The following CELSR3 variants were observed in gnomAD, a reference collection of about 807,000 sequenced individuals.
The protein encoded by CELSR3 is cadherin EGF LAG seven-pass G-type receptor 3.
Under a neutral mutation model 270.0 loss-of-function variants are expected in CELSR3, and 73 were observed. The observed-to-expected ratio is 0.27, with a 90% CI of 0.22 to 0.33. The LOEUF (loss-of-function observed/expected upper bound fraction) is 0.33. Ranked by LOEUF, CELSR3 falls within the 10% of genes least tolerant of loss-of-function variation. The pLI, the probability that CELSR3 is intolerant of heterozygous loss-of-function variation, is 1.00. For missense variants in CELSR3, 3,614 were observed against 4,533.8 expected, an observed-to-expected ratio of 0.80 and a Z score of 5.83; for synonymous variants, 1,780 against 1,905.4, an observed-to-expected ratio of 0.93 and a Z score of 1.71.
chr3:48,639,755 G>A lies in CELSR3; in HGVS notation c.9830C>T (p.Ser3277Phe). ...PLGPHTTATPSATASVLGPST... is the reference protein window; with the variant it reads ...PLGPHTTATPFATASVLGPST... ...GGGCCCAAGCACAGAGGCTGTGGCA[G>A]AAGGTGTGGCAGTGGTGTGAGGGCC... The change falls in exon 34 of 35, where the codon TCT becomes TTT. Residue 3277 changes from serine (S) to phenylalanine (F), a missense_variant. This residue lies in a region of CELSR3 where 1,240 missense variants were observed against 1,351.7 expected (regional missense o/e 0.92). Coordinates refer to ENST00000164024, the MANE Select transcript of CELSR3 (RefSeq NM_001407.3). This position sits in a 1 kb window ranked among gnomAD's most constrained non-coding sequence, Gnocchi z 4.1. 14 of 1,613,796 alleles carry A rather than the reference G, an allele frequency of 8.7e-6. No homozygotes were observed. Among genetic ancestry groups the A allele is most frequent in the Non-Finnish European group, 1.1e-5 (13 of 1,179,984 alleles).
chr3:48,644,157 C>T lies in CELSR3; in HGVS notation c.8165+59G>A, dbSNP rs577677694. The T allele has an allele frequency of 1.3e-6, 2 of 1,519,030 alleles. No homozygotes were observed. The highest frequency in any genetic ancestry group is 1.1e-5 in the South Asian group (1 of 87,120). The allele number at this position is 1,519,030 out of a possible 1,614,324, so 94.1% of individuals were successfully genotyped here. A position where few individuals can be genotyped will look rare whatever the true frequency, so the allele number is the denominator to read the frequency against. Reference sequence around the variant, plus strand: ...CAGGGAAGATCTGGGGGCCCCAGACCCCACCCAGGAGGGACCTGCCATCCT... The same window carrying T: ...CAGGGAAGATCTGGGGGCCCCAGACTCCACCCAGGAGGGACCTGCCATCCT... On this transcript the variant is annotated intron_variant, in intron 27 of 34. Coordinates refer to ENST00000164024, the MANE Select transcript of CELSR3 (RefSeq NM_001407.3). This position sits in a 1 kb window ranked among gnomAD's most constrained non-coding sequence, Gnocchi z 4.8.
At position 48,654,431 on chromosome 3, in the gene CELSR3, A is replaced by G; in HGVS notation, c.5010T>C (p.Pro1670=). Residue 1670 remains proline, a synonymous_variant, in exon 7 of 35, where the codon CCT becomes CCC. Transcript: ENST00000164024. This position sits in a 1 kb window ranked among gnomAD's most constrained non-coding sequence, Gnocchi z 5.4. The part of the protein sequence containing the change: ...SSKKSLDLTG[P]LLLGGVPNLP... ...GGTTGGGGACACCTCCCAGAAGAAGAGGGCCCGTCAGGTCCAGGGACCTGG... is the reference window on the plus strand; with the variant it reads ...GGTTGGGGACACCTCCCAGAAGAAGGGGGCCCGTCAGGTCCAGGGACCTGG... 6.3e-7 allele frequency: 1 copy of G among 1,597,744 alleles called. No homozygotes were observed. Among genetic ancestry groups the G allele is most frequent in the Non-Finnish European group, 8.6e-7 (1 of 1,168,908 alleles).
In CELSR3 at chr3:48,655,029, G is replaced by A; in HGVS notation, c.4988+15C>T. 2 of 1,613,340 alleles carry A rather than the reference G, an allele frequency of 1.2e-6. No individual in the cohort carries two copies. Among genetic ancestry groups the A allele is most frequent in the East Asian group, 2.2e-5 (1 of 44,874 alleles). Reference sequence around the variant, plus strand: ...GTAGGCAGGGGACAAGGGGACTAGGGGGCAGGGGCCTCACTTCTTGGAGCT... The same window carrying A: ...GTAGGCAGGGGACAAGGGGACTAGGAGGCAGGGGCCTCACTTCTTGGAGCT... On this transcript the variant is annotated intron_variant, in intron 6 of 34. Transcript: ENST00000164024. The surrounding 1 kb of genome is among the most constrained non-coding windows in gnomAD (Gnocchi z 5.8).
chr3:48,648,564 C>T, intron 18 of CELSR3, 103 bp from the exon 19 acceptor site: 3 of 1,387,010 alleles, frequency 2.2e-6, no homozygotes, highest in Non-Finnish European at 2.9e-6. Context: ...GGGGCTCCAA[C>T]AGGCAAGGGG....
rs903844970 is a variant in CELSR3 at position 48,641,744 on chromosome 3, G to T, written c.8824+107C>A. 3 of 1,173,350 alleles carry T rather than the reference G, an allele frequency of 2.6e-6. No homozygotes were observed. Among genetic ancestry groups the T allele is most frequent in the South Asian group, 1.7e-5 (1 of 60,494 alleles). 72.7% of individuals were successfully genotyped at this position (1,173,350 alleles called of 1,614,324 possible). A position where few individuals can be genotyped will look rare whatever the true frequency, so the allele number is the denominator to read the frequency against. On this transcript the variant is annotated intron_variant, in intron 32 of 34. Coordinates refer to ENST00000164024, the MANE Select transcript of CELSR3 (RefSeq NM_001407.3). The surrounding 1 kb of genome is among the most constrained non-coding windows in gnomAD (Gnocchi z 4.8). Reference sequence around the variant, plus strand: ...AAGTTGGGGAACCTGATGACTGAGGGGTCAGAAAGACCAGGATGAACCCCA... The same window carrying T: ...AAGTTGGGGAACCTGATGACTGAGGTGTCAGAAAGACCAGGATGAACCCCA...
In CELSR3 at chr3:48,659,278, G is replaced by A. The variant is rs139204064; in HGVS notation, c.3357C>T (p.Ile1119=). ...TGAGTGCCGTCAGTTCTCCAGAGAAGATGTCCATTTGGAACAGCTCAGGGA... is the reference window on the plus strand; with the variant it reads ...TGAGTGCCGTCAGTTCTCCAGAGAAAATGTCCATTTGGAACAGCTCAGGGA... ...GNIPELFQMD[I]FSGELTALID... Residue 1119 remains isoleucine, a synonymous_variant, in exon 1 of 35, where the codon ATC becomes ATT. Transcript: ENST00000164024. This position sits in a 1 kb window ranked among gnomAD's most constrained non-coding sequence, Gnocchi z 8.1. 13 of 1,614,058 alleles carry A rather than the reference G, an allele frequency of 8.1e-6. 1 individual carries two copies. The highest frequency in any genetic ancestry group is 1.1e-5 in the Non-Finnish European group (13 of 1,180,032).
Position 48,661,916 on chromosome 3 carries a change from C to A in CELSR3, c.719G>T (p.Gly240Val). ...TGCTGAATCCAGCTCGGGGCCAGAT[C>A]CCGAGGCCCCTGGAAGACAGTTCCG... Reference protein sequence around the residue: ...PRRNCLPGASGSGPELDSAPR... With the variant: ...PRRNCLPGASVSGPELDSAPR... Residue 240 changes from glycine to valine, a missense_variant, in exon 1 of 35, where the codon GGA (glycine) becomes GTA (valine). Physicochemically the swap from Gly to Val is moderately radical, Grantham distance 109. This residue lies in a region of CELSR3 where 470 missense variants were observed against 469.7 expected (regional missense o/e 1.00). Coordinates refer to ENST00000164024, the MANE Select transcript of CELSR3 (RefSeq NM_001407.3). The A allele has an allele frequency of 1.2e-6, 2 of 1,612,794 alleles. No individual in the cohort carries two copies. Among genetic ancestry groups the A allele is most frequent in the Non-Finnish European group, 1.7e-6 (2 of 1,179,952 alleles).
rs1278441451 is a variant in CELSR3 at position 48,641,771 on chromosome 3, C to T, written c.8824+80G>A. 1 of 1,352,738 alleles carries T rather than the reference C, an allele frequency of 7.4e-7. No homozygotes were observed. Among genetic ancestry groups the T allele is most frequent in the African/African-American group, 1.5e-5 (1 of 67,782 alleles). 83.8% of individuals were successfully genotyped at this position (1,352,738 alleles called of 1,614,324 possible). A position where few individuals can be genotyped will look rare whatever the true frequency, so the allele number is the denominator to read the frequency against. ...TCAGAAAGACCAGGATGAACCCCAA[C>T]CGCAGGAAAGATGGGGAGCTGGAGG... On this transcript the variant is annotated intron_variant, in intron 32 of 34. Transcript: ENST00000164024. This position sits in a 1 kb window ranked among gnomAD's most constrained non-coding sequence, Gnocchi z 4.8.
In CELSR3 at chr3:48,659,525, G is replaced by A. The variant is rs1404063192; in HGVS notation, c.3110C>T (p.Ala1037Val). 6.8e-6 allele frequency: 11 copies of A among 1,614,044 alleles called. No individual in the cohort carries two copies. Among genetic ancestry groups the A allele is most frequent in the Non-Finnish European group, 7.6e-6 (9 of 1,180,044 alleles). ...GGGCACACCTCTGTCCACTGCGTAG[G>A]CAGTCAACTCATACACTGATACTGC... ...REAVSVYELT[A>V]YAVDRGVPPL... The change falls in exon 1 of 35, where the codon GCC (alanine) becomes GTC (valine). Residue 1037 changes from alanine to valine, a missense_variant. Physicochemically the swap from Ala to Val is moderately conservative, Grantham distance 64. Coordinates refer to ENST00000164024, the MANE Select transcript of CELSR3 (RefSeq NM_001407.3). The surrounding 1 kb of genome is among the most constrained non-coding windows in gnomAD (Gnocchi z 8.1).
rs752742460 is a variant in CELSR3 at position 48,655,886 on chromosome 3, G to A, written c.4626-35C>T. 14 of 1,340,672 alleles carry A rather than the reference G, an allele frequency of 1.0e-5. No individual in the cohort carries two copies. Among genetic ancestry groups the A allele is most frequent in the Non-Finnish European group, 1.4e-5 (13 of 950,676 alleles). 83.0% of individuals were successfully genotyped at this position (1,340,672 alleles called of 1,614,324 possible). On this transcript the variant is annotated intron_variant, in intron 3 of 34. Coordinates refer to ENST00000164024, the MANE Select transcript of CELSR3 (RefSeq NM_001407.3). This position sits in a 1 kb window ranked among gnomAD's most constrained non-coding sequence, Gnocchi z 5.8. ...GTGGGAGGGGGTTGCGGGGGTGGGA[G>A]CGTCAGGAGCAGGGTACCACTTCAC...
chr3:48,656,051 G>T, intron 3 of CELSR3, 89 bp downstream of exon 3: 1 of 1,371,842 alleles, frequency 7.3e-7, no homozygotes, highest in Non-Finnish European at 1.0e-6. Flanking sequence ...TGTCTCATGG[G>T]GATGCCAGGA....
At position 48,641,959 on chromosome 3, in the gene CELSR3, G is replaced by T; in HGVS notation, c.8716C>A (p.Leu2906Ile). ...SDLSLEEERS[L>I]SIPSSESEDN... ...TCGCTTTCTGAAGATGGAATGGAGAGACTCCTCTCCTCCTCCAAGGACAGG... is the reference window on the plus strand; with the variant it reads ...TCGCTTTCTGAAGATGGAATGGAGATACTCCTCTCCTCCTCCAAGGACAGG... The change falls in exon 32 of 35, where the codon CTC becomes ATC. Residue 2906 changes from leucine (L) to isoleucine (I), a missense_variant. Transcript: ENST00000164024. This position sits in a 1 kb window ranked among gnomAD's most constrained non-coding sequence, Gnocchi z 4.8. 6.3e-7 allele frequency: 1 copy of T among 1,595,372 alleles called. No individual in the cohort carries two copies. Among genetic ancestry groups the T allele is most frequent in the Non-Finnish European group, 8.5e-7 (1 of 1,173,538 alleles).
chr3:48,651,687 G>A lies in CELSR3; in HGVS notation c.5955C>T (p.Cys1985=), dbSNP rs754639965. ...GYYGPGCVDA[C]LLNPCQNQGS... is the part of the protein sequence containing the mutation. ...CCTGGTTCTGACAGGGGTTCAGGAGGCAGGCATCCACACAGCCTGGGCCGT... is the reference window on the plus strand; with the variant it reads ...CCTGGTTCTGACAGGGGTTCAGGAGACAGGCATCCACACAGCCTGGGCCGT... Residue 1985 remains cysteine (C), a synonymous_variant, in exon 13 of 35, where the codon TGC becomes TGT. Transcript: ENST00000164024. The surrounding 1 kb of genome is among the most constrained non-coding windows in gnomAD (Gnocchi z 7.4). 2.5e-6 allele frequency: 4 copies of A among 1,569,474 alleles called. No homozygotes were observed. Among genetic ancestry groups the A allele is most frequent in the Non-Finnish European group, 2.6e-6 (3 of 1,160,464 alleles).
At position 48,650,455 on chromosome 3, in the gene CELSR3, A is replaced by T; in HGVS notation, c.6472+25T>A. 1 of 603,070 alleles carries T rather than the reference A, an allele frequency of 1.7e-6. No homozygotes were observed. The highest frequency in any genetic ancestry group is 3.0e-6 in the Non-Finnish European group (1 of 328,302). The allele number at this position is 603,070 out of a possible 1,614,324, so 37.4% of individuals were successfully genotyped here. On this transcript the variant is annotated intron_variant, in intron 16 of 34. Coordinates refer to ENST00000164024, the MANE Select transcript of CELSR3 (RefSeq NM_001407.3). This position sits in a 1 kb window ranked among gnomAD's most constrained non-coding sequence, Gnocchi z 5.1. ...TACAGGCCCACCCCCACCCTCAGTG[A>T]TGTCCTTTCCCCCCACATACTCACC... is the stretch of plus-strand genomic sequence containing the variant.
In CELSR3 at chr3:48,654,499, G is replaced by A; in HGVS notation, c.4989-47C>T. On this transcript the variant is annotated intron_variant, in intron 6 of 34. Coordinates refer to ENST00000164024, the MANE Select transcript of CELSR3 (RefSeq NM_001407.3). This position sits in a 1 kb window ranked among gnomAD's most constrained non-coding sequence, Gnocchi z 5.4. The stretch of plus-strand genomic sequence containing the variant: ...CATTGGTGGGACTGGGGCCAGAGTA[G>A]AGTTGCTCCTGGGGGGCCACAGGAA... The A allele has an allele frequency of 1.3e-6, 2 of 1,510,018 alleles. No individual in the cohort carries two copies. Among genetic ancestry groups the A allele is most frequent in the Non-Finnish European group, 1.8e-6 (2 of 1,123,646 alleles). The allele number at this position is 1,510,018 out of a possible 1,614,324, so 93.5% of individuals were successfully genotyped here.
chr3:48,660,741 T>C lies in CELSR3; in HGVS notation c.1894A>G (p.Asn632Asp), dbSNP rs2077059932. The change falls in exon 1 of 35, where the codon AAC (asparagine) becomes GAC (aspartate). Residue 632 changes from asparagine to aspartate, a missense_variant. Physicochemically the swap from Asn to Asp is conservative, Grantham distance 23. Around this residue, in one of 7 missense-constraint regions of CELSR3, gnomAD observed 354 missense variants for 500.9 expected, o/e 0.71. Transcript: ENST00000164024. The surrounding 1 kb of genome is among the most constrained non-coding windows in gnomAD (Gnocchi z 5.5). The stretch of plus-strand genomic sequence containing the variant: ...TGGATGCTGGCCAGGCCCGTGTTGT[T>C]GGACAGCGGTGGCCGGCCAGCATCC... The part of the protein sequence containing the change: ...AQDAGRPPLS[N>D]NTGLASIQVV... 6.2e-7 allele frequency: 1 copy of C among 1,613,998 alleles called. No individual in the cohort carries two copies.
At chr3:48,643,931 A>T (rs2047053844) in intron 27 of CELSR3, 1 of 589,334 alleles carries the variant, frequency 1.7e-6, no homozygotes, top group Non-Finnish European at 3.0e-6. Flanking sequence ...GGCACGGAAG[A>T]CAGGTGGGAA....
rs1178148144 is a variant in CELSR3, at chr3:48,658,777, G to A, written c.3748+110C>T. ...AGGGTGCAGGAACCCTACCCTTAAG[G>A]GGTTCTTGGAAGGCTTAGAAATCCC... is the stretch of plus-strand genomic sequence containing the variant. On this transcript the variant is annotated intron_variant, in intron 1 of 34. Transcript: ENST00000164024. The surrounding 1 kb of genome is among the most constrained non-coding windows in gnomAD (Gnocchi z 4.7). 1 of 1,341,666 alleles carries A rather than the reference G, an allele frequency of 7.5e-7. No individual in the cohort carries two copies. Among genetic ancestry groups the A allele is most frequent in the Non-Finnish European group, 1.0e-6 (1 of 970,592 alleles). 83.1% of individuals were successfully genotyped at this position (1,341,666 alleles called of 1,614,324 possible). A position where few individuals can be genotyped will look rare whatever the true frequency, so the allele number is the denominator to read the frequency against.
Position 48,659,974 on chromosome 3 carries a change from C to T in CELSR3, c.2661G>A (p.Val887=), listed in dbSNP as rs2077054506. The change falls in exon 1 of 35, where the codon GTG becomes GTA. Residue 887 remains valine, a synonymous_variant. Coordinates refer to ENST00000164024, the MANE Select transcript of CELSR3 (RefSeq NM_001407.3). The surrounding 1 kb of genome is among the most constrained non-coding windows in gnomAD (Gnocchi z 8.1). ...IVVISASDDD[V]GENARITYLL... is the part of the protein sequence containing the mutation. ...GATAGGTGATACGAGCATTCTCACC[C>T]ACGTCATCATCAGAGGCACTGATGA... 2 of 1,614,036 alleles carry T rather than the reference C, an allele frequency of 1.2e-6. No individual in the cohort carries two copies. Among genetic ancestry groups the T allele is most frequent in the Admixed American group, 1.7e-5 (1 of 59,996 alleles).
Sources: allele counts gnomAD v4.1 joint callset, GRCh38; gene constraint gnomAD v4.1.1; regional missense constraint gnomAD v4.1.1; non-coding constraint Gnocchi (gnomAD v3.1); transcripts MANE v1.5; gene names NCBI Gene and HGNC (gene_info 2026-07-23, HGNC 2026-07-21).